The following CUX2 variants were observed in gnomAD, a reference collection of about 807,000 sequenced individuals.
The protein encoded by CUX2 is homeobox protein cut-like 2.
A neutral mutation model predicts 144.8 loss-of-function variants in CUX2; 40 were observed. That is an observed-to-expected ratio of 0.28 (90% CI 0.21 to 0.36). The LOEUF is 0.36. CUX2 is among the 10% of genes least tolerant of loss of function. The pLI is 1.00. For missense variants in CUX2, 1,615 were observed against 1,994.0 expected (o/e 0.81, Z 3.62); for synonymous variants, 827 against 875.6 (o/e 0.94, Z 0.98).
intron 1 of CUX2, among the ~76,000 whole-genome samples, chr12:111,142,444 G>C (rs994813989): frequency 6.6e-6 from 1 of 151,458 alleles, no homozygotes; most frequent in Non-Finnish European, 1.5e-5. Flanking sequence ...AAATGATTCT[G>C]GTAATGGCTT....
At chr12:111,073,155 G>GTGACTGGAAGGGATACGA (rs1566201195) in intron 1 of CUX2, among the ~76,000 whole-genome samples, 1 of 152,024 alleles carries the variant, frequency 6.6e-6, no homozygotes, top group African/African-American at 2.4e-5. Context: ...GGCCCTCTTA[G>GTGACTGGAAGGGATACGA]AGGCTCCTTC....
At chr12:111,199,819 G>C (rs1211212993) in intron 1 of CUX2, among the ~76,000 whole-genome samples, 1 of 151,938 alleles carries the variant, frequency 6.6e-6, no homozygotes, top group African/African-American at 2.4e-5. Flanking sequence ...ATGGATCTCT[G>C]TGTGTCTGTG....
At chr12:111,136,645 C>T (rs908405615) in intron 1 of CUX2, among the ~76,000 whole-genome samples, 1 of 152,166 alleles carries the variant, frequency 6.6e-6, no homozygotes, top group African/African-American at 2.4e-5. Flanking sequence ...TGTAGCGTCC[C>T]ATGGTTGCTA....
chr12:111,285,030 G>A (rs986266409), intron 4 of CUX2, among the ~76,000 whole-genome samples: 6 of 152,068 alleles, frequency 3.9e-5, no homozygotes, highest in Non-Finnish European at 5.9e-5. Context: ...CTGTGACGAC[G>A]TCCGGGAAAG....
intron 1 of CUX2, among the ~76,000 whole-genome samples, chr12:111,085,436 G>T (rs1354698441): frequency 6.6e-6 from 1 of 152,214 alleles, no homozygotes; most frequent in Non-Finnish European, 1.5e-5. Context: ...CCCTGATGTG[G>T]GAATGTGTTC....
At chr12:111,088,986 A>G (rs536842943) in intron 1 of CUX2, among the ~76,000 whole-genome samples, 77 of 151,570 alleles carry the variant, frequency 5.1e-4, no homozygotes, top group Middle Eastern at 3.2e-3. Context: ...CCCCCTCCCC[A>G]CTCCACTAGG....
At chr12:111,092,799 T>A (rs1872619365) in intron 1 of CUX2, among the ~76,000 whole-genome samples, 1 of 148,490 alleles carries the variant, frequency 6.7e-6, no homozygotes, top group Middle Eastern at 3.2e-3. Flanking sequence ...ACCAAAGCTC[T>A]GGCAGATTTT....
At chr12:111,254,584 A>G (rs114296477) in intron 3 of CUX2, among the ~76,000 whole-genome samples, 2,146 of 152,318 alleles carry the variant, frequency 0.014, 57 homozygotes, top group African/African-American at 0.049. Flanking sequence ...AAACTGAGTG[A>G]CTTACACCTG....
intron 1 of CUX2, among the ~76,000 whole-genome samples, chr12:111,138,743 G>T (rs1196264195): frequency 6.6e-6 from 1 of 152,014 alleles, no homozygotes; most frequent in African/African-American, 2.4e-5. Context: ...CCAGGGAATT[G>T]CAAGATGTTC....
Position 111,034,909 on chromosome 12 carries a change from G to A in CUX2, c.63+669G>A, listed in dbSNP as rs1365029201. On this transcript the variant is annotated intron_variant, in intron 1 of 21. Transcript: ENST00000261726. This position sits in a 1 kb window ranked among gnomAD's most constrained non-coding sequence, Gnocchi z 4.2. ...CGCCGCCGCCGGACTGGCCGCAAGC[G>A]CCGGCAGACCTCTTCTCCTCGGGCC... is the stretch of plus-strand genomic sequence containing the variant. 1.3e-5 allele frequency among the ~76,000 whole-genome samples: 2 copies of A among 151,346 alleles called. No individual in the cohort carries two copies. The highest frequency in any genetic ancestry group is 2.9e-5 in the Non-Finnish European group (2 of 67,814).
intron 1 of CUX2, among the ~76,000 whole-genome samples, chr12:111,047,735 A>G (rs1308968692): frequency 1.3e-5 from 2 of 152,246 alleles, no homozygotes; most frequent in Admixed American, 6.5e-5. Context: ...AGCACGTGCT[A>G]TAGGCCCCGC....
At chr12:111,266,406 G>T (rs1884388992) in intron 4 of CUX2, among the ~76,000 whole-genome samples, 1 of 151,292 alleles carries the variant, frequency 6.6e-6, no homozygotes. Context: ...AGGAGGCGGA[G>T]GTTGCAATGA....
chr12:111,347,984 C>T lies in CUX2; in HGVS notation c.4120C>T (p.His1374Tyr). ...QQESEAGERL[H>Y]PDPLSFKSAS... ...GGAGAGTGAGGCCGGGGAGCGACTT[C>T]ACCCGGACCCTTTAAGTTTTAAGTC... Residue 1374 changes from histidine to tyrosine, a missense_variant, in exon 22 of 22, where the codon CAC (histidine) becomes TAC (tyrosine). By Grantham distance (83) the His-to-Tyr change is moderately conservative. Around this residue, in one of 12 missense-constraint regions of CUX2, gnomAD observed 298 missense variants for 330.4 expected, o/e 0.90. Transcript: ENST00000261726. 6.2e-7 allele frequency: 1 copy of T among 1,614,144 alleles called. No homozygotes were observed. The highest frequency in any genetic ancestry group is 8.5e-7 in the Non-Finnish European group (1 of 1,180,028).
rs555600249 is a variant in CUX2, at chr12:111,230,483, T to G, written c.222+12546T>G. On this transcript the variant is annotated intron_variant, in intron 3 of 21. Transcript: ENST00000261726. ...AACCAAGATCTGCAGTTTAACAAGG[T>G]CCCCTGGTGATTATGGGCACATGAA... Among the ~76,000 whole-genome samples the G allele has an allele frequency of 1.9e-3, 284 of 152,104 alleles. 2 individuals are homozygous for G. The highest frequency in any genetic ancestry group is 4.6e-3 in the South Asian group (22 of 4,802).
intron 1 of CUX2, among the ~76,000 whole-genome samples, chr12:111,038,451 C>T (rs900516197): frequency 1.3e-5 from 2 of 152,250 alleles, no homozygotes; most frequent in African/African-American, 4.8e-5. Context: ...TGGCTCAGCC[C>T]CCTGAGAGGG....
intron 1 of CUX2, among the ~76,000 whole-genome samples, chr12:111,151,101 C>A (rs1255170454): frequency 6.6e-6 from 1 of 152,204 alleles, no homozygotes; most frequent in Non-Finnish European, 1.5e-5. Flanking sequence ...CTATAGCAGT[C>A]ATTTAACACT....
rs115519731 is a variant in CUX2, at chr12:111,088,834, T to C, written c.63+54594T>C. The stretch of plus-strand genomic sequence containing the variant: ...TCACCTGTCGTGCATGGACATGAGA[T>C]GTCCGACCGGGCAGCTGGGTGCCAT... On this transcript the variant is annotated intron_variant, in intron 1 of 21. Coordinates refer to ENST00000261726, the MANE Select transcript of CUX2 (RefSeq NM_015267.4). Among the ~76,000 whole-genome samples, 1,250 of 152,312 alleles carry C rather than the reference T, an allele frequency of 8.2e-3. 25 individuals are homozygous for C. Among genetic ancestry groups the C allele is most frequent in the African/African-American group, 0.028 (1,163 of 41,568 alleles).
rs958245662 is a variant in CUX2 at position 111,312,225 on chromosome 12, A to G, written c.2002+24A>G. ...CGGTGAGTGTGACCCCTGCAGGCAAAGCCTGAGGCCCCCGGGGCCAGCTGC... is the reference window on the plus strand; with the variant it reads ...CGGTGAGTGTGACCCCTGCAGGCAAGGCCTGAGGCCCCCGGGGCCAGCTGC... On this transcript the variant is annotated intron_variant, in intron 16 of 21. Transcript: ENST00000261726. This position sits in a 1 kb window ranked among gnomAD's most constrained non-coding sequence, Gnocchi z 4.3. The G allele has an allele frequency of 1.3e-6, 2 of 1,579,214 alleles. No homozygotes were observed. The highest frequency in any genetic ancestry group is 1.8e-5 in the Admixed American group (1 of 56,238).
intron 4 of CUX2, among the ~76,000 whole-genome samples, chr12:111,268,294 G>C (rs933191642): frequency 6.7e-6 from 1 of 149,844 alleles, no homozygotes; most frequent in African/African-American, 2.5e-5. Context: ...GTGCAATCTT[G>C]GCTCACTGCA....
Sources: allele counts gnomAD v4.1 joint callset (sites outside exome capture counted in the v4.1 genomes callset), GRCh38; gene constraint gnomAD v4.1.1; regional missense constraint gnomAD v4.1.1; non-coding constraint Gnocchi (gnomAD v3.1); transcripts MANE v1.5; gene names NCBI Gene and HGNC (gene_info 2026-07-23, HGNC 2026-07-21).